FTCDNL1: variants seen among roughly 807,000 people sequenced by gnomAD.
FTCDNL1 encodes formiminotransferase cyclodeaminase N-terminal like.
FTCDNL1 carries 11 observed loss-of-function variants against 5.9 expected under a neutral mutation model. The ratio of observed to expected loss-of-function variants is 1.87; its 90% CI spans 1.18 to 3.10. The LOEUF (loss-of-function observed/expected upper bound fraction) is 3.10, where lower values mean the gene tolerates loss of function less well. Ranked by LOEUF, FTCDNL1 falls within the 30% of genes most tolerant of loss-of-function variation. FTCDNL1 has a pLI of 0.00. For synonymous variants in FTCDNL1, 58 were observed against 24.8 expected, an observed-to-expected ratio of 2.34 and a Z score of -3.99; for missense variants, 115 against 65.5, an observed-to-expected ratio of 1.76 and a Z score of -2.61.
At chr2:199,806,997 G>A (rs1162412440), downstream of FTCDNL1, among the ~76,000 whole-genome samples, 3 of 152,234 alleles carry the variant, frequency 2.0e-5, no homozygotes, top group East Asian at 5.8e-4. Flanking sequence ...CCACCTTGTA[G>A]TAAGATTTAA....
the FTCDNL1 span, among the ~76,000 whole-genome samples, chr2:199,720,841 A>G: frequency 1.3e-5 from 2 of 151,828 alleles, no homozygotes; most frequent in African/African-American, 2.4e-5. Flanking sequence ...AATCCACTAC[A>G]TTATGTAATT....
At chr2:199,689,607 TG>T in the FTCDNL1 span, among the ~76,000 whole-genome samples, 1 of 152,184 alleles carries the variant, frequency 6.6e-6, no homozygotes, top group Non-Finnish European at 1.5e-5. Flanking sequence ...CTCAGTTTTT[TG>T]GGGGGTAATT....
chr2:199,771,719 T>C (rs983700796), intron 3 of FTCDNL1, among the ~76,000 whole-genome samples: 1 of 152,230 alleles, frequency 6.6e-6, no homozygotes, highest in Non-Finnish European at 1.5e-5. Flanking sequence ...TACCACCCAA[T>C]GACAGCAAGC....
chr2:199,803,083 A>G (rs1700540431), intron 3 of FTCDNL1, among the ~76,000 whole-genome samples: 1 of 150,896 alleles, frequency 6.6e-6, no homozygotes, highest in South Asian at 2.1e-4. Flanking sequence ...AACCCCAGCT[A>G]CTCGGGAGGC....
intron 3 of FTCDNL1, among the ~76,000 whole-genome samples, chr2:199,763,408 G>A (rs1052941796): frequency 1.3e-4 from 20 of 152,138 alleles, no homozygotes; most frequent in African/African-American, 4.6e-4. Flanking sequence ...GGGTGGGAGG[G>A]GACAGGGGAT....
At chr2:199,692,581 C>T in the FTCDNL1 span, among the ~76,000 whole-genome samples, 1 of 152,154 alleles carries the variant, frequency 6.6e-6, no homozygotes, top group Non-Finnish European at 1.5e-5. Flanking sequence ...GTATATAGAT[C>T]TACCATTTGA....
intron 3 of FTCDNL1, among the ~76,000 whole-genome samples, chr2:199,830,514 G>A (rs1702300094): frequency 6.6e-6 from 1 of 152,090 alleles, no homozygotes; most frequent in Non-Finnish European, 1.5e-5. Context: ...GTTAAGAATT[G>A]TCTCCCAACC....
At chr2:199,718,779 A>T in the FTCDNL1 span, among the ~76,000 whole-genome samples, 4 of 152,126 alleles carry the variant, frequency 2.6e-5, no homozygotes, top group African/African-American at 4.8e-5. Flanking sequence ...TTGTGATTTC[A>T]ATTAGCATTT....
the FTCDNL1 span, among the ~76,000 whole-genome samples, chr2:199,736,794 T>C: frequency 6.6e-6 from 1 of 152,194 alleles, no homozygotes; most frequent in Non-Finnish European, 1.5e-5. Flanking sequence ...CAGCTACCCA[T>C]ACACTGAGTT....
At chr2:199,769,479 G>C (rs1559171906) in intron 3 of FTCDNL1, among the ~76,000 whole-genome samples, 2 of 151,882 alleles carry the variant, frequency 1.3e-5, no homozygotes, top group Admixed American at 6.6e-5. Flanking sequence ...TGATTTTGAG[G>C]CCCCCCCAGC....
At chr2:199,794,755 T>C (rs1700094058) in intron 3 of FTCDNL1, among the ~76,000 whole-genome samples, 1 of 152,072 alleles carries the variant, frequency 6.6e-6, no homozygotes, top group South Asian at 2.1e-4. Flanking sequence ...GGCACGCAAC[T>C]ATAGTCCCAG....
chr2:199,677,964 A>G, the FTCDNL1 span, among the ~76,000 whole-genome samples: 1 of 152,186 alleles, frequency 6.6e-6, no homozygotes, highest in East Asian at 1.9e-4. Flanking sequence ...GGGGACACAA[A>G]TTTCTAGAAA....
intron 3 of FTCDNL1, among the ~76,000 whole-genome samples, chr2:199,844,688 C>T (rs1311111114): frequency 1.3e-5 from 2 of 152,134 alleles, no homozygotes; most frequent in East Asian, 1.9e-4. Context: ...CTAACCTTTC[C>T]CCTCACCCCA....
the FTCDNL1 span, among the ~76,000 whole-genome samples, chr2:199,667,326 G>A: frequency 6.6e-6 from 1 of 152,100 alleles, no homozygotes; most frequent in Non-Finnish European, 1.5e-5. Flanking sequence ...GGAATGTTGA[G>A]ATAAAATATA....
intron 3 of FTCDNL1, among the ~76,000 whole-genome samples, chr2:199,761,119 C>G (rs1246180235): frequency 6.6e-6 from 1 of 152,186 alleles, no homozygotes; most frequent in Non-Finnish European, 1.5e-5. Flanking sequence ...AGTTTCTTGC[C>G]AGGACCCTGA....
chr2:199,844,491 T>C, intron 3 of FTCDNL1: 1 of 665,186 alleles, frequency 1.5e-6, no homozygotes. Context: ...TCCATATCGA[T>C]AGCCTGGAAG....
chr2:199,836,814 T>C (rs1327516362), intron 3 of FTCDNL1, among the ~76,000 whole-genome samples: 2 of 151,706 alleles, frequency 1.3e-5, no homozygotes, highest in Admixed American at 1.3e-4. Context: ...CATAGCAGGG[T>C]ATGGTATCAA....
intron 3 of FTCDNL1, among the ~76,000 whole-genome samples, chr2:199,823,841 C>G (rs926475945): frequency 3.5e-4 from 54 of 152,214 alleles, no homozygotes; most frequent in African/African-American, 1.3e-3. Flanking sequence ...GCATTTGCCC[C>G]TAACAAGAGA....
intron 3 of FTCDNL1, among the ~76,000 whole-genome samples, chr2:199,771,676 T>G (rs1698817590): frequency 6.6e-6 from 1 of 152,226 alleles, no homozygotes; most frequent in African/African-American, 2.4e-5. Flanking sequence ...AGTAAAAGAT[T>G]CTTTATAAAC....
Sources: allele counts gnomAD v4.1 joint callset (sites outside exome capture counted in the v4.1 genomes callset), GRCh38; gene constraint gnomAD v4.1.1; transcripts MANE v1.5; gene names NCBI Gene and HGNC (gene_info 2026-07-23, HGNC 2026-07-21).